The following MAP3K4 variants were observed in gnomAD, a reference collection of about 807,000 sequenced individuals.
The protein encoded by MAP3K4 is mitogen-activated protein kinase kinase kinase 4.
A neutral mutation model predicts 185.6 loss-of-function variants in MAP3K4; 67 were observed. The observed-to-expected ratio is 0.36, with a 90% CI of 0.30 to 0.44. The LOEUF (loss-of-function observed/expected upper bound fraction) is 0.44, where lower values mean the gene tolerates loss of function less well. MAP3K4 is among the 20% of genes least tolerant of loss of function. The pLI is 1.00. For missense variants in MAP3K4, 1,551 were observed against 1,995.1 expected, an observed-to-expected ratio of 0.78 and a Z score of 4.24; for synonymous variants, 702 against 710.4, an observed-to-expected ratio of 0.99 and a Z score of 0.19.
At position 161,091,463 on chromosome 6, in the gene MAP3K4, G is replaced by T; in HGVS notation, c.3058G>T (p.Val1020Phe). 6.2e-7 allele frequency: 1 copy of T among 1,614,130 alleles called. No homozygotes were observed. Among genetic ancestry groups the T allele is most frequent in the Non-Finnish European group, 8.5e-7 (1 of 1,179,988 alleles). The change falls in exon 12 of 27, where the codon GTT (valine) becomes TTT (phenylalanine). Residue 1020 changes from valine (V) to phenylalanine (F), a missense_variant. By Grantham distance (50) the Val-to-Phe change is conservative. Coordinates refer to ENST00000392142, the MANE Select transcript of MAP3K4 (RefSeq NM_005922.4). This position sits in a 1 kb window ranked among gnomAD's most constrained non-coding sequence, Gnocchi z 5.5. ...HMFTSEFDAEVDESESVTLQQ... is the reference protein window; with the variant it reads ...HMFTSEFDAEFDESESVTLQQ... ...GTTCACATCAGAATTTGATGCTGAG[G>T]TTGATGAATCTGAATCTGTCACCTT...
rs1214812728 is a variant in MAP3K4, at chr6:161,091,006, C to T, written c.2974-373C>T. 2.0e-5 allele frequency among the ~76,000 whole-genome samples: 3 copies of T among 152,114 alleles called. No homozygotes were observed. The highest frequency in any genetic ancestry group is 4.8e-5 in the African/African-American group (2 of 41,402). Reference sequence around the variant, plus strand: ...AGCAGGGAAATGAGGACAGCACGATCGGAGGAGGTCATCTAGAAGTACATG... The same window carrying T: ...AGCAGGGAAATGAGGACAGCACGATTGGAGGAGGTCATCTAGAAGTACATG... On this transcript the variant is annotated intron_variant, in intron 11 of 26. Coordinates refer to ENST00000392142, the MANE Select transcript of MAP3K4 (RefSeq NM_005922.4). The surrounding 1 kb of genome is among the most constrained non-coding windows in gnomAD (Gnocchi z 5.5).
At chr6:161,092,819 C>T (rs1011903025) in intron 13 of MAP3K4, among the ~76,000 whole-genome samples, 159 bp from the exon 14 acceptor site, 1 of 152,270 alleles carries the variant, frequency 6.6e-6, no homozygotes, top group African/African-American at 2.4e-5. Flanking sequence ...ATTCTCCTTT[C>T]CAAAAGGTCA....
intron 23 of MAP3K4, among the ~76,000 whole-genome samples, chr6:161,111,372 A>C (rs565007561): frequency 6.6e-6 from 1 of 152,178 alleles, no homozygotes; most frequent in Non-Finnish European, 1.5e-5. Context: ...AAATTGCAGA[A>C]CAGTTTTCAG....
At chr6:161,050,964 A>G (rs535408376) in intron 3 of MAP3K4, among the ~76,000 whole-genome samples, 1 of 152,370 alleles carries the variant, frequency 6.6e-6, no homozygotes, top group South Asian at 2.1e-4. Flanking sequence ...CAAGTCCCTC[A>G]TACAAAATGA....
chr6:161,079,670 G>C (rs1361860402), intron 5 of MAP3K4, among the ~76,000 whole-genome samples: 1 of 152,192 alleles, frequency 6.6e-6, no homozygotes, highest in African/African-American at 2.4e-5. Context: ...GGAGATGGGG[G>C]AGCTCACCAA....
In MAP3K4 at chr6:161,108,271, T is replaced by A. The variant is rs914118130; in HGVS notation, c.4119+302T>A. Among the ~76,000 whole-genome samples, 7 of 152,154 alleles carry A rather than the reference T, an allele frequency of 4.6e-5. No homozygotes were observed. The highest frequency in any genetic ancestry group is 8.8e-5 in the Non-Finnish European group (6 of 68,022). ...TTAGAGGAGAGGATTAACAGTAGTG[T>A]CTTATGGGGACACATTGGGGGAGAA... On this transcript the variant is annotated intron_variant, in intron 21 of 26. Transcript: ENST00000392142. This position sits in a 1 kb window ranked among gnomAD's most constrained non-coding sequence, Gnocchi z 5.7.
chr6:161,073,256 T>G lies in MAP3K4; in HGVS notation c.1951-210T>G. On this transcript the variant is annotated intron_variant, in intron 4 of 26. Coordinates refer to ENST00000392142, the MANE Select transcript of MAP3K4 (RefSeq NM_005922.4). This position sits in a 1 kb window ranked among gnomAD's most constrained non-coding sequence, Gnocchi z 4.2. ...TGTGTATCCATGCTGTAGTATTAAA[T>G]TCTTTTATTTTCACTGTTTTGTTGC... is the stretch of plus-strand genomic sequence containing the variant. 2.5e-6 allele frequency: 1 copy of G among 402,342 alleles called. No individual in the cohort carries two copies. The highest frequency in any genetic ancestry group is 4.3e-5 in the Admixed American group (1 of 23,456). 24.9% of individuals were successfully genotyped at this position (402,342 alleles called of 1,614,324 possible).
chr6:161,025,735 AGT>A (rs1458176014), intron 1 of MAP3K4, among the ~76,000 whole-genome samples: 4 of 152,228 alleles, frequency 2.6e-5, no homozygotes, highest in African/African-American at 9.6e-5. Context: ...TTGCGAGAAG[AGT>A]GGGTAGAAGA....
At chr6:161,066,762 G>T (rs4709487) in intron 3 of MAP3K4, among the ~76,000 whole-genome samples, 41,808 of 152,036 alleles carry the variant, frequency 0.27, 6,976 homozygotes, top group East Asian at 0.63. Context: ...CAGGAAGGGG[G>T]TTCCTCTGTG....
At position 161,102,755 on chromosome 6, in the gene MAP3K4, C is replaced by T. The variant is rs755068149; in HGVS notation, c.3832C>T (p.Arg1278Trp). The change falls in exon 19 of 27, where the codon CGG (arginine) becomes TGG (tryptophan). Residue 1278 changes from arginine (R) to tryptophan (W), a missense_variant. Arg to Trp is a moderately radical substitution (Grantham distance 101, BLOSUM62 -3). Transcript: ENST00000392142. ...SGSTRRSWEL[R>W]TLISQSKDTA... ...GTCCACAAGAAGAAGTTGGGAACTT[C>T]GGACACTAATCAGCCAGAGTAAAGG... 95 of 1,580,732 alleles carry T rather than the reference C, an allele frequency of 6.0e-5. No individual in the cohort carries two copies. The highest frequency in any genetic ancestry group is 1.1e-4 in the East Asian group (5 of 43,612).
rs1358072777 is a variant in MAP3K4 at position 161,080,548 on chromosome 6, G to A, written c.2098-333G>A. 1 of 291,746 alleles carries A rather than the reference G, an allele frequency of 3.4e-6. No individual in the cohort carries two copies. The highest frequency in any genetic ancestry group is 2.3e-5 in the African/African-American group (1 of 43,590). 18.1% of individuals were successfully genotyped at this position (291,746 alleles called of 1,614,324 possible). Reference sequence around the variant, plus strand: ...GATCCTAACCTCTTAAAGGAATAATGTTGACAGTACATTCATAATGAAAAG... The same window carrying A: ...GATCCTAACCTCTTAAAGGAATAATATTGACAGTACATTCATAATGAAAAG... On this transcript the variant is annotated intron_variant, in intron 5 of 26. Coordinates refer to ENST00000392142, the MANE Select transcript of MAP3K4 (RefSeq NM_005922.4). This position sits in a 1 kb window ranked among gnomAD's most constrained non-coding sequence, Gnocchi z 4.8.
chr6:161,055,870 C>T (rs182032138), intron 3 of MAP3K4, among the ~76,000 whole-genome samples: 24 of 152,280 alleles, frequency 1.6e-4, no homozygotes, highest in Non-Finnish European at 1.9e-4. Flanking sequence ...AGTAAGTCAC[C>T]ACACACAACC....
In MAP3K4 at chr6:161,096,348, G is replaced by C. The variant is rs1777572323; in HGVS notation, c.3428-732G>C. 6.6e-6 allele frequency among the ~76,000 whole-genome samples: 1 copy of C among 151,982 alleles called. No homozygotes were observed. The highest frequency in any genetic ancestry group is 2.4e-5 in the African/African-American group (1 of 41,360). ...TATGACATTAAAAAAATACTAAGGA[G>C]GGTTAAAACAGAGTGGTAAAAGTGA... On this transcript the variant is annotated intron_variant, in intron 15 of 26. Coordinates refer to ENST00000392142, the MANE Select transcript of MAP3K4 (RefSeq NM_005922.4). This position sits in a 1 kb window ranked among gnomAD's most constrained non-coding sequence, Gnocchi z 4.9.
chr6:161,070,761 CGA>C lies in MAP3K4; in HGVS notation c.1863_1864del (p.Val622ProfsTer7). Reference protein sequence around the residue: ...SFEPAFLVLCRVLLNVIHECL... With the variant: ...SFEPAFLVLCXVLLNVIHECL... ...CGAACCTGCCTTCCTAGTTCTCTGC[CGA>C]GTCCTTCTGAATGTCATACATGAGT... On this transcript the variant is annotated frameshift_variant, in exon 4 of 27. Transcript: ENST00000392142. LOFTEE classifies it high-confidence loss of function. The surrounding 1 kb of genome is among the most constrained non-coding windows in gnomAD (Gnocchi z 4.5). 6.2e-7 allele frequency: 1 copy of C among 1,614,030 alleles called. No individual in the cohort carries two copies. The highest frequency in any genetic ancestry group is 1.7e-4 in the Middle Eastern group (1 of 6,046).
intron 1 of MAP3K4, among the ~76,000 whole-genome samples, chr6:161,002,054 T>TG (rs1781347327): frequency 6.6e-6 from 1 of 150,646 alleles, no homozygotes; most frequent in African/African-American, 2.4e-5. Flanking sequence ...AAAAAGGTTT[T>TG]TTTTTTTTTT....
rs1778259462 is a variant in MAP3K4 at position 161,109,666 on chromosome 6, G to T, written c.4237-89G>T. 1 of 1,272,182 alleles carries T rather than the reference G, an allele frequency of 7.9e-7. No homozygotes were observed. Among genetic ancestry groups the T allele is most frequent in the South Asian group, 1.3e-5 (1 of 77,556 alleles). The allele number at this position is 1,272,182 out of a possible 1,614,324, so 78.8% of individuals were successfully genotyped here. ...ACCGTTAGAAAGAACATTCCTTTGG[G>T]GTGTGGCCTAGGAAGTTTTCCAGAT... On this transcript the variant is annotated intron_variant, in intron 22 of 26. Transcript: ENST00000392142. This position sits in a 1 kb window ranked among gnomAD's most constrained non-coding sequence, Gnocchi z 5.7.
At position 161,115,378 on chromosome 6, in the gene MAP3K4, T is replaced by G. The variant is rs1583255766; in HGVS notation, c.4806+76T>G. 5 of 1,430,362 alleles carry G rather than the reference T, an allele frequency of 3.5e-6. 1 individual carries two copies. In the Admixed American group the frequency reaches 1.1e-4, roughly 33 times the overall value. 88.6% of individuals were successfully genotyped at this position (1,430,362 alleles called of 1,614,324 possible). A position where few individuals can be genotyped will look rare whatever the true frequency, so the allele number is the denominator to read the frequency against. On this transcript the variant is annotated intron_variant, in intron 26 of 26. Coordinates refer to ENST00000392142, the MANE Select transcript of MAP3K4 (RefSeq NM_005922.4). This position sits in a 1 kb window ranked among gnomAD's most constrained non-coding sequence, Gnocchi z 6.0. The stretch of plus-strand genomic sequence containing the variant: ...GTTTTGCATCAAGACGTTAATGAAA[T>G]TTTGAAACTTTAAAGTAGCTATATC...
chr6:161,093,685 T>A lies in MAP3K4; in HGVS notation c.3349-88T>A. 1 of 749,106 alleles carries A rather than the reference T, an allele frequency of 1.3e-6. No individual in the cohort carries two copies. Among genetic ancestry groups the A allele is most frequent in the East Asian group, 2.7e-5 (1 of 37,036 alleles). The allele number at this position is 749,106 out of a possible 1,614,324, so 46.4% of individuals were successfully genotyped here. A position where few individuals can be genotyped will look rare whatever the true frequency, so the allele number is the denominator to read the frequency against. ...ATTTTGGGTAGCATGTTTTTAAAAA[T>A]ATACTGAAAATTAATTTGTGCTACT... On this transcript the variant is annotated intron_variant, in intron 14 of 26. Coordinates refer to ENST00000392142, the MANE Select transcript of MAP3K4 (RefSeq NM_005922.4). This position sits in a 1 kb window ranked among gnomAD's most constrained non-coding sequence, Gnocchi z 5.2.
intron 2 of MAP3K4, among the ~76,000 whole-genome samples, chr6:161,039,194 A>G (rs1008840135): frequency 6.7e-6 from 1 of 149,056 alleles, no homozygotes; most frequent in African/African-American, 2.5e-5. Flanking sequence ...TAACTGCTAC[A>G]TGCATTCATT....
Sources: gnomAD v4.1 joint callset for allele counts (sites outside exome capture counted in the v4.1 genomes callset) on GRCh38, gnomAD v4.1.1 for gene constraint, Gnocchi (gnomAD v3.1) non-coding constraint, MANE v1.5 for transcripts, NCBI Gene and HGNC (gene_info 2026-07-23, HGNC 2026-07-21) for gene names.